Variants in PARD3 observed in about 807,000 individuals in gnomAD.
PARD3 encodes partitioning defective 3 homolog.
In PARD3, 75 loss-of-function variants were observed where a neutral mutation model predicts 155.4. The ratio of observed to expected loss-of-function variants is 0.48; its 90% CI spans 0.40 to 0.58. The LOEUF is 0.58. Among genes scored for constraint, PARD3 ranks in the 20% least tolerant of loss-of-function variants. PARD3 has a pLI of 0.00. For synonymous variants in PARD3, 576 were observed against 610.5 expected, an observed-to-expected ratio of 0.94 and a Z score of 0.83; for missense variants, 1,642 against 1,721.7, an observed-to-expected ratio of 0.95 and a Z score of 0.82.
intron 1 of PARD3, among the ~76,000 whole-genome samples, chr10:34,796,489 G>T (rs4391770): frequency 0.35 from 53,739 of 152,090 alleles, 10,658 homozygotes; most frequent in African/African-American, 0.55. Flanking sequence ...GGGGTTAAGT[G>T]TTATTTGAAA....
At chr10:34,625,450 T>C (rs1173670998) in intron 2 of PARD3, among the ~76,000 whole-genome samples, 2 of 152,244 alleles carry the variant, frequency 1.3e-5, no homozygotes, top group Non-Finnish European at 2.9e-5. Flanking sequence ...GTGCCTGCGC[T>C]GGTGGTGGGC....
intron 22 of PARD3, among the ~76,000 whole-genome samples, chr10:34,239,006 AAGG>A (rs1953413568): frequency 6.6e-6 from 1 of 152,228 alleles, no homozygotes; most frequent in Non-Finnish European, 1.5e-5. Flanking sequence ...CATATTTTAA[AAGG>A]AGAATAGACC....
intron 1 of PARD3, among the ~76,000 whole-genome samples, chr10:34,789,809 G>A (rs75328748): frequency 3.9e-5 from 6 of 152,126 alleles, no homozygotes; most frequent in African/African-American, 1.4e-4. Flanking sequence ...TATTCTGGGT[G>A]GTAAGAATAT....
chr10:34,725,214 G>A (rs1189820894), intron 1 of PARD3, among the ~76,000 whole-genome samples: 12 of 151,444 alleles, frequency 7.9e-5, no homozygotes, highest in East Asian at 1.9e-4. Flanking sequence ...GTGCAGTGGC[G>A]TGATCTCAGC....
At chr10:34,614,865 T>A (rs879539984) in intron 2 of PARD3, among the ~76,000 whole-genome samples, 2 of 152,110 alleles carry the variant, frequency 1.3e-5, no homozygotes, top group Non-Finnish European at 2.9e-5. Flanking sequence ...GCTAGAGGCA[T>A]CCCACTACCT....
At chr10:34,812,920 T>TA (rs1844382086) in intron 1 of PARD3, among the ~76,000 whole-genome samples, 2 of 152,190 alleles carry the variant, frequency 1.3e-5, no homozygotes, top group African/African-American at 4.8e-5. Context: ...ACCAGGTCCG[T>TA]GACCAAGGCC....
chr10:34,558,811 G>A (rs992234630), intron 2 of PARD3, among the ~76,000 whole-genome samples: 3 of 152,212 alleles, frequency 2.0e-5, no homozygotes, highest in Non-Finnish European at 2.9e-5. Flanking sequence ...GCTGGACTTC[G>A]TGGCATACGC....
chr10:34,167,311 G>A (rs550992118), intron 22 of PARD3, among the ~76,000 whole-genome samples: 6 of 152,234 alleles, frequency 3.9e-5, no homozygotes, highest in South Asian at 2.1e-4. Context: ...ATCGTTGCAC[G>A]GGTCTGCCGG....
intron 4 of PARD3, among the ~76,000 whole-genome samples, chr10:34,458,689 T>G (rs958604294): frequency 6.6e-6 from 1 of 151,846 alleles, no homozygotes; most frequent in Non-Finnish European, 1.5e-5. Flanking sequence ...CAGAAAGAGG[T>G]GAGGAGGAAA....
At chr10:34,274,185 T>G (rs957056381) in intron 21 of PARD3, among the ~76,000 whole-genome samples, 1 of 152,134 alleles carries the variant, frequency 6.6e-6, no homozygotes, top group Non-Finnish European at 1.5e-5. Flanking sequence ...AGACTGTAGG[T>G]TCCACAGACA....
Position 34,696,410 on chromosome 10 carries a change from A to G in PARD3, c.130T>C (p.Tyr44His), listed in dbSNP as rs979834664. 2 of 1,597,226 alleles carry G rather than the reference A, an allele frequency of 1.3e-6. No individual in the cohort carries two copies. Among genetic ancestry groups the G allele is most frequent in the African/African-American group, 2.7e-5 (2 of 74,610 alleles). ...TCCAAGCGATGCACCTGTATCCAGT[A>G]GTTTGGATCCTATACGAAAGAACAG... ...YRKAIAKDPNYWIQVHRLEHG... is the reference protein window; with the variant it reads ...YRKAIAKDPNHWIQVHRLEHG... The change falls in exon 2 of 25, where the codon TAC (tyrosine) becomes CAC (histidine). Residue 44 changes from tyrosine to histidine, a missense_variant. By Grantham distance (83) the Tyr-to-His change is moderately conservative. Coordinates refer to ENST00000374788, the MANE Select transcript of PARD3 (RefSeq NM_001184785.2).
chr10:34,135,959 T>C (rs1238274634), intron 22 of PARD3, among the ~76,000 whole-genome samples: 1 of 152,216 alleles, frequency 6.6e-6, no homozygotes, highest in Admixed American at 6.5e-5. Flanking sequence ...TGGCCTGGTG[T>C]TGCTTCTTAT....
chr10:34,745,177 C>T (rs1357329323), intron 1 of PARD3, among the ~76,000 whole-genome samples: 1 of 152,100 alleles, frequency 6.6e-6, no homozygotes, highest in Non-Finnish European at 1.5e-5. Flanking sequence ...GCTTGGGCAA[C>T]AAAGCAAGAT....
chr10:34,446,406 T>C lies in PARD3; in HGVS notation c.714+3911A>G, dbSNP rs150658704. 1.1e-3 allele frequency among the ~76,000 whole-genome samples: 162 copies of C among 152,202 alleles called. 5 individuals are homozygous for C. The East Asian group carries it at 0.025, about 23-fold the overall frequency. On this transcript the variant is annotated intron_variant, in intron 5 of 24. Coordinates refer to ENST00000374788, the MANE Select transcript of PARD3 (RefSeq NM_001184785.2). ...CTGATTCTAAGCCTTTGGCGGGTATTGTATCACTTGACACGGCAACCCCTG... is the reference window on the plus strand; with the variant it reads ...CTGATTCTAAGCCTTTGGCGGGTATCGTATCACTTGACACGGCAACCCCTG...
At chr10:34,183,556 C>T (rs1950357249) in intron 22 of PARD3, among the ~76,000 whole-genome samples, 2 of 152,206 alleles carry the variant, frequency 1.3e-5, no homozygotes, top group African/African-American at 4.8e-5. Context: ...TTCCCGCCCT[C>T]TTCTCACCAG....
intron 4 of PARD3, among the ~76,000 whole-genome samples, chr10:34,461,370 C>T (rs1413805180): frequency 1.3e-5 from 2 of 152,064 alleles, no homozygotes; most frequent in Non-Finnish European, 2.9e-5. Context: ...TTTGGGAGGC[C>T]GAGGCGGGTG....
At chr10:34,721,295 A>G (rs2094603253) in intron 1 of PARD3, among the ~76,000 whole-genome samples, 1 of 152,236 alleles carries the variant, frequency 6.6e-6, no homozygotes, top group Admixed American at 6.5e-5. Context: ...ATTCAAATTA[A>G]GTTATTTCCT....
intron 4 of PARD3, among the ~76,000 whole-genome samples, chr10:34,455,910 A>T (rs1397691356): frequency 6.6e-6 from 1 of 152,192 alleles, no homozygotes; most frequent in East Asian, 1.9e-4. Context: ...ATCTGTTCCT[A>T]TATTATCTGT....
chr10:34,305,397 A>G (rs1364220168), intron 20 of PARD3, among the ~76,000 whole-genome samples: 2 of 152,210 alleles, frequency 1.3e-5, no homozygotes, highest in Non-Finnish European at 2.9e-5. Flanking sequence ...TGGGGCCTTC[A>G]GAAGGGAGGC....
Sources: gnomAD v4.1 joint callset for allele counts (sites outside exome capture counted in the v4.1 genomes callset) on GRCh38, gnomAD v4.1.1 for gene constraint, MANE v1.5 for transcripts, NCBI Gene and HGNC (gene_info 2026-07-23, HGNC 2026-07-21) for gene names.